The following MYH15 variants were observed in gnomAD, a reference collection of about 807,000 sequenced individuals.
MYH15 encodes myosin heavy chain 15, also known as myosin-15.
Under a neutral mutation model 240.5 loss-of-function variants are expected in MYH15, and 227 were observed. The ratio of observed to expected loss-of-function variants is 0.94; its 90% CI spans 0.85 to 1.05. MYH15 has a LOEUF of 1.05. Among genes scored for constraint, MYH15 ranks in the 50% least tolerant of loss-of-function variants. MYH15 has a pLI of 0.00. For synonymous variants in MYH15, 785 were observed against 796.7 expected (o/e 0.99, Z 0.25); for missense variants, 2,217 against 2,247.5 (o/e 0.99, Z 0.27).
rs752106756 is a variant in MYH15 at position 108,470,116 on chromosome 3, T to C, written c.1480A>G (p.Lys494Glu). The change falls in exon 14 of 41, where the codon AAG becomes GAG. Residue 494 changes from lysine to glutamate, a missense_variant. Transcript: ENST00000693548. ...HMFVLEQEEY[K>E]KESIEWVSIG... is the part of the protein sequence containing the mutation. ...GACACCCATTCAATGCTTTCTTTCT[T>C]ATATTCCTCTTGCTCCAGAACAAAC... 1 of 1,612,230 alleles carries C rather than the reference T, an allele frequency of 6.2e-7. No homozygotes were observed. Among genetic ancestry groups the C allele is most frequent in the Non-Finnish European group, 8.5e-7 (1 of 1,179,310 alleles).
intron 14 of MYH15, among the ~76,000 whole-genome samples, chr3:108,467,198 G>A (rs2083127184): frequency 6.6e-6 from 1 of 151,608 alleles, no homozygotes; most frequent in Non-Finnish European, 1.5e-5. Context: ...GCTTTGCTGT[G>A]ATCAATTATC....
In MYH15 at chr3:108,464,674, A is replaced by G. The variant is rs1301853970; in HGVS notation, c.1695T>C (p.Phe565=). 1 of 1,613,558 alleles carries G rather than the reference A, an allele frequency of 6.2e-7. No individual in the cohort carries two copies. Among genetic ancestry groups the G allele is most frequent in the Admixed American group, 1.7e-5 (1 of 59,912 alleles). The change falls in exon 15 of 41, where the codon TTT becomes TTC. Residue 565 remains phenylalanine, a synonymous_variant. Transcript: ENST00000693548. ...LQKPKPDKKK[F]EAHFELVHYA... Reference sequence around the variant, plus strand: ...AATGGACAAGTTCAAAATGAGCTTCAAATTTCTTCTTATCAGGCTTGGGCT... The same window carrying G: ...AATGGACAAGTTCAAAATGAGCTTCGAATTTCTTCTTATCAGGCTTGGGCT...
At chr3:108,471,446 T>G (rs891467587) in intron 12 of MYH15, among the ~76,000 whole-genome samples, 2 of 152,174 alleles carry the variant, frequency 1.3e-5, no homozygotes, top group Non-Finnish European at 2.9e-5. Flanking sequence ...CAAACTTTAA[T>G]GAGGATCCTC....
intron 28 of MYH15, among the ~76,000 whole-genome samples, chr3:108,418,757 G>GT (rs1560341110): frequency 9.3e-5 from 14 of 151,086 alleles, no homozygotes; most frequent in African/African-American, 3.2e-4. Context: ...TCAGCCTCCC[G>GT]TGTTGTTGTT....
Position 108,408,265 on chromosome 3 carries a change from C to T in MYH15, c.4620+15G>A. The T allele has an allele frequency of 6.2e-7, 1 of 1,602,706 alleles. No individual in the cohort carries two copies. The highest frequency in any genetic ancestry group is 8.5e-7 in the Non-Finnish European group (1 of 1,176,836). On this transcript the variant is annotated intron_variant, in intron 32 of 40. Coordinates refer to ENST00000693548, the MANE Select transcript of MYH15 (RefSeq NM_014981.3). Reference sequence around the variant, plus strand: ...TGTCACAGTGAAAACTTTCTTTTCTCCCTGGTGATAATACCTCTGTTTCTT... The same window carrying T: ...TGTCACAGTGAAAACTTTCTTTTCTTCCTGGTGATAATACCTCTGTTTCTT...
Position 108,421,184 on chromosome 3 carries a change from C to T in MYH15, c.3733G>A (p.Glu1245Lys), listed in dbSNP as rs1560344013. ...ANAEKLCTLY[E>K]ERLHEATAKL... ...GCAGTTGCTTCATGCAAGCGCTCTT[C>T]ATATAGAGTACAGAGTTTCTCAGCA... The change falls in exon 28 of 41, where the codon GAA becomes AAA. Residue 1245 changes from glutamate to lysine, a missense_variant. Glu to Lys is a moderately conservative substitution (Grantham distance 56). Transcript: ENST00000693548. 3 of 1,613,662 alleles carry T rather than the reference C, an allele frequency of 1.9e-6. No homozygotes were observed. The highest frequency in any genetic ancestry group is 2.5e-6 in the Non-Finnish European group (3 of 1,179,950).
At chr3:108,440,528 G>T (rs959126560) in intron 23 of MYH15, among the ~76,000 whole-genome samples, 1 of 152,078 alleles carries the variant, frequency 6.6e-6, no homozygotes, top group Non-Finnish European at 1.5e-5. Flanking sequence ...ACACAGATGC[G>T]CAAGTTAAAA....
At chr3:108,483,098 G>A (rs2107594561) in intron 11 of MYH15, among the ~76,000 whole-genome samples, 1 of 151,954 alleles carries the variant, frequency 6.6e-6, no homozygotes, top group East Asian at 1.9e-4. Context: ...TACTCGGGAG[G>A]CTGAGGCACA....
chr3:108,538,528 T>C, the MYH15 span, among the ~76,000 whole-genome samples: 1 of 152,228 alleles, frequency 6.6e-6, no homozygotes, highest in Non-Finnish European at 1.5e-5. Context: ...GTTAACAGCA[T>C]ACACTTCAAG....
At position 108,500,104 on chromosome 3, in the gene MYH15, G is replaced by C. The variant is rs1288461052; in HGVS notation, c.496+14C>G. ...AGATATTTTTACTTTTCATTTTGTA[G>C]GGCAGCTACTCACTGTGAAGCATGT... On this transcript the variant is annotated intron_variant, in intron 4 of 40. Transcript: ENST00000693548. 1.9e-6 allele frequency: 3 copies of C among 1,607,196 alleles called. No individual in the cohort carries two copies. Among genetic ancestry groups the C allele is most frequent in the Non-Finnish European group, 2.5e-6 (3 of 1,177,290 alleles).
At chr3:108,524,896 C>A (rs544363557) in intron 1 of MYH15, among the ~76,000 whole-genome samples, 1 of 152,092 alleles carries the variant, frequency 6.6e-6, no homozygotes, top group South Asian at 2.1e-4. Context: ...CAATATTCTG[C>A]TAGAGACCCA....
chr3:108,513,558 T>C (rs185972645), upstream of MYH15, among the ~76,000 whole-genome samples: 5 of 152,278 alleles, frequency 3.3e-5, no homozygotes, highest in Admixed American at 3.3e-4. Flanking sequence ...GAAGTGTGCA[T>C]ACAATTCATC....
chr3:108,548,960 TC>T, the MYH15 span, among the ~76,000 whole-genome samples: 1 of 152,070 alleles, frequency 6.6e-6, no homozygotes, highest in Non-Finnish European at 1.5e-5. Context: ...ATTCTTTTTT[TC>T]CTGACATTAA....
Position 108,459,413 on chromosome 3 carries a change from T to C in MYH15, c.1969A>G (p.Thr657Ala), listed in dbSNP as rs2083052350. ...LNKLMTNLKSTAPHFVRCINP... is the reference protein window; with the variant it reads ...LNKLMTNLKSAAPHFVRCINP... ...ATGCATCTCACAAAATGAGGTGCTG[T>C]TGATTTCAGATTAGTCATCAATTTA... Residue 657 changes from threonine (T) to alanine (A), a missense_variant, in exon 18 of 41, where the codon ACA becomes GCA. Transcript: ENST00000693548. 3.7e-6 allele frequency: 6 copies of C among 1,606,034 alleles called. No individual in the cohort carries two copies. Among genetic ancestry groups the C allele is most frequent in the East Asian group, 4.5e-5 (2 of 44,502 alleles).
At chr3:108,493,766 C>T (rs35056589) in intron 7 of MYH15, among the ~76,000 whole-genome samples, 19 of 152,122 alleles carry the variant, frequency 1.2e-4, no homozygotes, top group Middle Eastern at 3.4e-3. Flanking sequence ...AAAATGGAGT[C>T]GAAGAGGTAG....
intron 9 of MYH15, among the ~76,000 whole-genome samples, chr3:108,491,111 C>G (rs1275979478): frequency 6.6e-6 from 1 of 152,126 alleles, no homozygotes; most frequent in Non-Finnish European, 1.5e-5. Flanking sequence ...TGGTCTCAAA[C>G]CCCTGACCTC....
At chr3:108,421,559 T>C (rs968816690) in intron 27 of MYH15, among the ~76,000 whole-genome samples, 32 of 152,230 alleles carry the variant, frequency 2.1e-4, no homozygotes, top group Non-Finnish European at 4.0e-4. Context: ...TATTTAACTG[T>C]CTTTTTCACT....
intron 7 of MYH15, among the ~76,000 whole-genome samples, chr3:108,493,790 C>T (rs1421335255): frequency 1.3e-5 from 2 of 152,164 alleles, no homozygotes; most frequent in African/African-American, 4.8e-5. Flanking sequence ...AACTCCATAT[C>T]ATCTAAGCCA....
chr3:108,459,059 G>A (rs2083048835), intron 18 of MYH15, among the ~76,000 whole-genome samples: 1 of 151,964 alleles, frequency 6.6e-6, no homozygotes, highest in Non-Finnish European at 1.5e-5. Flanking sequence ...GTTTGTCCTT[G>A]TAGACAATGG....
Sources: allele counts gnomAD v4.1 joint callset (sites outside exome capture counted in the v4.1 genomes callset), GRCh38; gene constraint gnomAD v4.1.1; transcripts MANE v1.5; gene names NCBI Gene and HGNC (gene_info 2026-07-23, HGNC 2026-07-21).